Variants in MAPK8IP2 observed in about 807,000 individuals in gnomAD.
MAPK8IP2 encodes the protein C-Jun-amino-terminal kinase-interacting protein 2.
MAPK8IP2 carries 15 observed loss-of-function variants against 75.6 expected under a neutral mutation model. That is an observed-to-expected ratio of 0.20 (90% CI 0.13 to 0.31). The LOEUF (loss-of-function observed/expected upper bound fraction) is 0.31, where lower values mean the gene tolerates loss of function less well. MAPK8IP2 is among the 10% of genes least tolerant of loss of function. The probability of loss-of-function intolerance (pLI) is 1.00; values close to 1 mark genes in which losing one functional copy is unlikely to be tolerated. For synonymous variants in MAPK8IP2, 632 were observed against 554.5 expected (o/e 1.14, Z -1.96); for missense variants, 1,089 against 1,211.2 (o/e 0.90, Z 1.50).
At chr22:50,602,382 C>T (rs2070953407) in intron 2 of MAPK8IP2, among the ~76,000 whole-genome samples, 2 of 152,244 alleles carry the variant, frequency 1.3e-5, no homozygotes, top group Admixed American at 1.3e-4. Context: ...CATTTCTGAG[C>T]AACTGCCATG....
intron 10 of MAPK8IP2, chr22:50,609,655 C>A: frequency 2.3e-6 from 1 of 431,558 alleles, no homozygotes; most frequent in Non-Finnish European, 4.7e-6. Flanking sequence ...TCCCTCTGGA[C>A]GACGATTTTT....
intron 10 of MAPK8IP2, chr22:50,609,780 CA>C (rs374107927): frequency 3.6e-4 from 185 of 518,992 alleles, no homozygotes; most frequent in African/African-American, 3.3e-3. Flanking sequence ...TTTTACAGAC[CA>C]GGGGTAACGT....
chr22:50,609,607 G>A, intron 10 of MAPK8IP2: 1 of 378,286 alleles, frequency 2.6e-6, no homozygotes, highest in South Asian at 1.9e-5. Flanking sequence ...CAGGGGTGGG[G>A]GTGGGGCAGC....
intron 10 of MAPK8IP2, among the ~76,000 whole-genome samples, chr22:50,608,722 C>CG (rs2071093390): frequency 1.4e-5 from 1 of 69,232 alleles, no homozygotes; most frequent in Non-Finnish European, 3.0e-5. Context: ...ACAGTGGGCA[C>CG]GGGCGCAGAC....
rs114184170 is a variant in MAPK8IP2, at chr22:50,610,743, G to A, written c.2439G>A (p.Ala813=). ...TGGAGTACTACCAAGAGCACCTGGC[G>A]TACGCCTGCCCCACGGAGGACATCT... The part of the protein sequence containing the change: ...AFLEYYQEHL[A]YACPTEDIYL... The change falls in exon 12 of 12, where the codon GCG becomes GCA. Residue 813 remains alanine (A), a synonymous_variant. Coordinates refer to ENST00000329492, the MANE Select transcript of MAPK8IP2 (RefSeq NM_012324.6). The surrounding 1 kb of genome is among the most constrained non-coding windows in gnomAD (Gnocchi z 4.3). 4,219 of 1,610,928 alleles carry A rather than the reference G, an allele frequency of 2.6e-3. 79 individuals carry two copies. In the African/African-American group the frequency reaches 0.043, roughly 17 times the overall value.
At chr22:50,601,020 C>T (rs1437470938) in intron 1 of MAPK8IP2, 137 bp downstream of exon 1, 1 of 178,422 alleles carries the variant, frequency 5.6e-6, no homozygotes, top group Non-Finnish European at 1.1e-5. Context: ...CCCTGCGGTC[C>T]CTGAGCCTCG....
chr22:50,603,744 C>T (rs1358626949), intron 4 of MAPK8IP2, 25 bp downstream of exon 4: 2 of 1,550,442 alleles, frequency 1.3e-6, no homozygotes, highest in Non-Finnish European at 1.7e-6. Context: ...GCCCGCGGGG[C>T]GCGGGGAAGC....
At position 50,603,390 on chromosome 22, in the gene MAPK8IP2, C is replaced by T. The variant is rs1426321380; in HGVS notation, c.339C>T (p.Asp113=). 1 of 1,556,028 alleles carries T rather than the reference C, an allele frequency of 6.4e-7. No individual in the cohort carries two copies. The change falls in exon 3 of 12, where the codon GAC becomes GAT. Residue 113 remains aspartate (D), a synonymous_variant. Coordinates refer to ENST00000329492, the MANE Select transcript of MAPK8IP2 (RefSeq NM_012324.6). ...ATGGGGAAGGCCAGGAGGGAGGAGA[C>T]CCTGGCTCAGAGGCACCTGCCCCCG... ...EGDGEGQEGG[D]PGSEAPAPGP...
rs780437695 is a variant in MAPK8IP2, at chr22:50,610,250, G to T, written c.2342G>T (p.Arg781Leu). Residue 781 changes from arginine to leucine, a missense_variant, in exon 11 of 12, where the codon CGC becomes CTC. Transcript: ENST00000329492. This position sits in a 1 kb window ranked among gnomAD's most constrained non-coding sequence, Gnocchi z 4.3. ...GFITKHPLLS[R>L]FACHVFVSQE... ...ATCACCAAACACCCCCTGCTGAGCC[G>T]CTTCGCCTGCCACGTCTTTGTCTCC... The T allele has an allele frequency of 6.3e-7, 1 of 1,599,244 alleles. No individual in the cohort carries two copies. Among genetic ancestry groups the T allele is most frequent in the Non-Finnish European group, 8.5e-7 (1 of 1,173,734 alleles).
intron 8 of MAPK8IP2, 76 bp from the exon 9 acceptor site, chr22:50,606,582 G>A: frequency 2.0e-6 from 2 of 978,452 alleles, no homozygotes; most frequent in Non-Finnish European, 3.2e-6. Flanking sequence ...AGGAGCAGAG[G>A]CGTAGTCCCA....
chr22:50,601,759 G>A, intron 1 of MAPK8IP2, 30 bp from the exon 2 acceptor site: 2 of 1,580,408 alleles, frequency 1.3e-6, no homozygotes, highest in South Asian at 2.2e-5. Context: ...TCCAGGGTTG[G>A]TGGCTCTCTG....
chr22:50,605,768 C>A, intron 7 of MAPK8IP2, 34 bp downstream of exon 7: 1 of 1,600,554 alleles, frequency 6.2e-7, no homozygotes, highest in East Asian at 2.2e-5. Context: ...GGCTTTTCAC[C>A]CCAGATCCTC....
intron 10 of MAPK8IP2, among the ~76,000 whole-genome samples, chr22:50,609,530 G>A (rs2071109609): frequency 6.6e-6 from 1 of 151,882 alleles, no homozygotes; most frequent in African/African-American, 2.4e-5. Context: ...AGACCATCAT[G>A]TGGCTTCCCA....
intron 10 of MAPK8IP2, among the ~76,000 whole-genome samples, chr22:50,609,470 G>A (rs1238018382): frequency 1.3e-5 from 2 of 152,156 alleles, no homozygotes; most frequent in African/African-American, 2.4e-5. Flanking sequence ...CATTTGAGGC[G>A]GGCCCTGTGC....
rs1367549427 is a variant in MAPK8IP2, at chr22:50,603,476, G to A, written c.425G>A (p.Arg142His). ...CACAAGCACCGGCCCACCACCCTCC[G>A]TCTGACCACACTGGGGGCCCAGGTG... Reference protein sequence around the residue: ...EPHKHRPTTLRLTTLGAQDSL... With the variant: ...EPHKHRPTTLHLTTLGAQDSL... The change falls in exon 3 of 12, where the codon CGT becomes CAT. Residue 142 changes from arginine to histidine, a missense_variant. Physicochemically the swap from Arg to His is conservative, Grantham distance 29 (BLOSUM62 0). Transcript: ENST00000329492. 3.2e-6 allele frequency: 5 copies of A among 1,564,218 alleles called. No individual in the cohort carries two copies. The highest frequency in any genetic ancestry group is 2.4e-5 in the South Asian group (2 of 82,752).
Position 50,604,978 on chromosome 22 carries a change from C to T in MAPK8IP2, c.1679C>T (p.Ser560Leu), listed in dbSNP as rs564527577. The T allele has an allele frequency of 9.9e-6, 16 of 1,612,314 alleles. No homozygotes were observed. In the African/African-American group the frequency reaches 1.3e-4, roughly 13 times the overall value. Reference protein sequence around the residue: ...GAALLGGGQVSGDTSPDSPDL... With the variant: ...GAALLGGGQVLGDTSPDSPDL... ...GCGCTGCTAGGCGGCGGTCAGGTCT[C>T]GGGGGACACCTCGCCGGACAGCCCT... Residue 560 changes from serine (S) to leucine (L), a missense_variant, in exon 5 of 12, where the codon TCG becomes TTG. Physicochemically the swap from Ser to Leu is moderately radical, Grantham distance 145. This residue lies in a region of MAPK8IP2 where 960 missense variants were observed against 1,009.6 expected (regional missense o/e 0.95). Coordinates refer to ENST00000329492, the MANE Select transcript of MAPK8IP2 (RefSeq NM_012324.6).
At chr22:50,605,191 C>T in intron 5 of MAPK8IP2, 127 bp downstream of exon 5, 1 of 1,210,320 alleles carries the variant, frequency 8.3e-7, no homozygotes, top group East Asian at 2.5e-5. Context: ...GCTGGGTGCC[C>T]TCTCCCACCC....
In MAPK8IP2 at chr22:50,601,823, G is replaced by A; in HGVS notation, c.100G>A (p.Asp34Asn). Residue 34 changes from aspartate (D) to asparagine (N), a missense_variant, in exon 2 of 12, where the codon GAC becomes AAC. Asp to Asn is a conservative substitution (Grantham distance 23). This residue lies in a region of MAPK8IP2 where 960 missense variants were observed against 1,009.6 expected (regional missense o/e 0.95). Coordinates refer to ENST00000329492, the MANE Select transcript of MAPK8IP2 (RefSeq NM_012324.6). ...GGACATAAGCCTGGAAGAATTTGAC[G>A]ACGAAGATCTGTCTGAGATCACTGA... ...PQDISLEEFD[D>N]EDLSEITDDC... 1 of 1,613,890 alleles carries A rather than the reference G, an allele frequency of 6.2e-7. No homozygotes were observed. Among genetic ancestry groups the A allele is most frequent in the Non-Finnish European group, 8.5e-7 (1 of 1,179,840 alleles).
rs1003150499 is a variant in MAPK8IP2, at chr22:50,604,965, G to A, written c.1666G>A (p.Gly556Ser). 2 of 1,612,202 alleles carry A rather than the reference G, an allele frequency of 1.2e-6. No individual in the cohort carries two copies. Among genetic ancestry groups the A allele is most frequent in the Non-Finnish European group, 1.7e-6 (2 of 1,179,748 alleles). The change falls in exon 5 of 12, where the codon GGC becomes AGC. Residue 556 changes from glycine (G) to serine (S), a missense_variant. Physicochemically the swap from Gly to Ser is moderately conservative, Grantham distance 56 (BLOSUM62 0). This residue lies in a region of MAPK8IP2 where 960 missense variants were observed against 1,009.6 expected (regional missense o/e 0.95). Transcript: ENST00000329492. ...GGAGGCGGGCGCGGCGCTGCTAGGC[G>A]GCGGTCAGGTCTCGGGGGACACCTC... ...EEEAGAALLG[G>S]GQVSGDTSPD...
Sources: allele counts gnomAD v4.1 joint callset (sites outside exome capture counted in the v4.1 genomes callset), GRCh38; gene constraint gnomAD v4.1.1; regional missense constraint gnomAD v4.1.1; non-coding constraint Gnocchi (gnomAD v3.1); transcripts MANE v1.5; gene names NCBI Gene and HGNC (gene_info 2026-07-23, HGNC 2026-07-21).